CORO2A: variants seen among roughly 807,000 people sequenced by gnomAD.
The protein encoded by CORO2A is coronin-2A.
A neutral mutation model predicts 62.4 loss-of-function variants in CORO2A; 47 were observed. The ratio of observed to expected loss-of-function variants is 0.75; its 90% CI spans 0.60 to 0.96. The LOEUF (loss-of-function observed/expected upper bound fraction) is 0.96. CORO2A is among the 40% of genes least tolerant of loss of function. CORO2A has a pLI of 0.00. For synonymous variants in CORO2A, 273 were observed against 268.9 expected (o/e 1.02, Z -0.15); for missense variants, 610 against 684.1 (o/e 0.89, Z 1.21).
rs60243944 is a variant in CORO2A at position 98,148,751 on chromosome 9, C to CAAACAAAACAAAACAAAACA, written c.201+8689_201+8708dup. On this transcript the variant is annotated intron_variant, in intron 2 of 11. Coordinates refer to ENST00000375077, the MANE Select transcript of CORO2A (RefSeq NM_052820.4). The stretch of plus-strand genomic sequence containing the variant: ...TGGGTGAAAGAGCCAGAGCTTGTCT[C>CAAACAAAACAAAACAAAACA]AAACAAAACAAAACAAAACAAACAA... Among the ~76,000 whole-genome samples the CAAACAAAACAAAACAAAACA allele has an allele frequency of 2.9e-3, 431 of 150,350 alleles. 1 individual carries two copies. The highest frequency in any genetic ancestry group is 7.2e-3 in the African/African-American group (292 of 40,640).
intron 5 of CORO2A, among the ~76,000 whole-genome samples, 168 bp from the exon 6 acceptor site, chr9:98,132,469 T>C (rs577260737): frequency 1.3e-5 from 2 of 152,298 alleles, no homozygotes; most frequent in African/African-American, 4.8e-5. Flanking sequence ...TGGATCCCTC[T>C]CATCCACATG....
chr9:98,132,900 G>A (rs113780358), intron 5 of CORO2A, 138 bp downstream of exon 5: 1 of 951,426 alleles, frequency 1.1e-6, no homozygotes, highest in Non-Finnish European at 1.6e-6. Flanking sequence ...AATCCCGAGA[G>A]GACAGACAGG....
chr9:98,126,304 G>T (rs1827317737), intron 11 of CORO2A, among the ~76,000 whole-genome samples: 1 of 152,034 alleles, frequency 6.6e-6, no homozygotes, highest in Non-Finnish European at 1.5e-5. Context: ...AAAGTGCTGG[G>T]ATTACAAGAG....
chr9:98,151,341 T>C (rs969680228), intron 2 of CORO2A, among the ~76,000 whole-genome samples: 10 of 152,242 alleles, frequency 6.6e-5, no homozygotes, highest in Non-Finnish European at 1.5e-4. Context: ...ATAGTAAATA[T>C]TTCCATCTAT....
rs550013162 is a variant in CORO2A at position 98,188,555 on chromosome 9, A to C, written c.-1+4004T>G. Among the ~76,000 whole-genome samples the C allele has an allele frequency of 5.3e-5, 8 of 152,282 alleles. No homozygotes were observed. The East Asian group carries it at 7.7e-4, about 15-fold the overall frequency. ...CGAGACAAGCGGATCATTTGAGGTCAGGAGTTCGAGTCCAGCCTGGCCAAC... is the reference window on the plus strand; with the variant it reads ...CGAGACAAGCGGATCATTTGAGGTCCGGAGTTCGAGTCCAGCCTGGCCAAC... On this transcript the variant is annotated intron_variant, in intron 1 of 11. Coordinates refer to ENST00000375077, the MANE Select transcript of CORO2A (RefSeq NM_052820.4).
intron 1 of CORO2A, among the ~76,000 whole-genome samples, chr9:98,163,595 G>T (rs1404712249): frequency 6.6e-6 from 1 of 152,214 alleles, no homozygotes; most frequent in Non-Finnish European, 1.5e-5. Flanking sequence ...TGCAAGGGAA[G>T]TGACTAGACT....
chr9:98,181,340 T>G (rs1311205773), intron 1 of CORO2A, among the ~76,000 whole-genome samples: 1 of 148,748 alleles, frequency 6.7e-6, no homozygotes, highest in Non-Finnish European at 1.5e-5. Context: ...CTTGCTTTTT[T>G]TTTTTTTTTT....
chr9:98,171,794 C>T (rs2118911070), intron 1 of CORO2A, among the ~76,000 whole-genome samples: 1 of 151,712 alleles, frequency 6.6e-6, no homozygotes, highest in Non-Finnish European at 1.5e-5. Context: ...AAATGCAGGC[C>T]AGCAATGGGG....
intron 2 of CORO2A, among the ~76,000 whole-genome samples, chr9:98,145,971 A>T (rs1436628928): frequency 6.6e-6 from 1 of 152,112 alleles, no homozygotes; most frequent in Admixed American, 6.5e-5. Flanking sequence ...TTGGCCTCCC[A>T]AAGTGCCAGG....
At chr9:98,131,120 C>T (rs1827401820) in intron 6 of CORO2A, 61 bp from the exon 7 acceptor site, 1 of 1,147,910 alleles carries the variant, frequency 8.7e-7, no homozygotes, top group Non-Finnish European at 1.3e-6. Context: ...CAGTGGTGCT[C>T]CCGGAGATAA....
At chr9:98,128,456 C>A in intron 9 of CORO2A, 151 bp downstream of exon 9, 1 of 764,506 alleles carries the variant, frequency 1.3e-6, no homozygotes, top group Non-Finnish European at 2.2e-6. Context: ...GGACTCCTGA[C>A]GCCCACTGAT....
chr9:98,139,669 A>G (rs982307593), intron 2 of CORO2A, among the ~76,000 whole-genome samples: 21 of 151,936 alleles, frequency 1.4e-4, no homozygotes, highest in Non-Finnish European at 2.8e-4. Flanking sequence ...GGTGTCGCAC[A>G]CCTGTAGTTC....
chr9:98,140,113 G>C (rs148388649), intron 2 of CORO2A, among the ~76,000 whole-genome samples: 21 of 152,122 alleles, frequency 1.4e-4, no homozygotes, highest in Middle Eastern at 3.4e-3. Context: ...CCAGGCCCTC[G>C]ACCTCCCACA....
chr9:98,123,198 A>AACTG lies in CORO2A; in HGVS notation c.*1572_*1575dup, dbSNP rs1827266465. Reference sequence around the variant, plus strand: ...ACAGATTTCTACTCTTTGGGCTGAGAACTGCATCAGACCCAAAAGAGCAAA... The same window carrying AACTG: ...ACAGATTTCTACTCTTTGGGCTGAGAACTGACTGCATCAGACCCAAAAGAGCAAA... On this transcript the variant is annotated 3_prime_UTR_variant, in exon 12 of 12. Coordinates refer to ENST00000375077, the MANE Select transcript of CORO2A (RefSeq NM_052820.4). The AACTG allele has an allele frequency of 6.6e-6, 1 of 152,314 alleles. No homozygotes were observed. Among genetic ancestry groups the AACTG allele is most frequent in the South Asian group, 2.1e-4 (1 of 4,818 alleles). 9.4% of individuals were successfully genotyped at this position (152,314 alleles called of 1,614,324 possible). A position where few individuals can be genotyped will look rare whatever the true frequency, so the allele number is the denominator to read the frequency against.
intron 2 of CORO2A, among the ~76,000 whole-genome samples, chr9:98,150,867 T>C (rs752010476): frequency 6.6e-6 from 1 of 152,172 alleles, no homozygotes; most frequent in Non-Finnish European, 1.5e-5. Flanking sequence ...TGTCCCTCCC[T>C]AGCTCGAAAC....
chr9:98,128,026 C>T lies in CORO2A; in HGVS notation c.1171+144G>A, dbSNP rs1827351205. The T allele has an allele frequency of 1.2e-5, 8 of 645,064 alleles. No individual in the cohort carries two copies. In the East Asian group the frequency reaches 2.1e-4, roughly 17 times the overall value. The allele number at this position is 645,064 out of a possible 1,614,324, so 40.0% of individuals were successfully genotyped here. A position where few individuals can be genotyped will look rare whatever the true frequency, so the allele number is the denominator to read the frequency against. The stretch of plus-strand genomic sequence containing the variant: ...TGGACCTGTATGTGACCATGCTACC[C>T]ACTGGGGACTGAAGGTCAAGGGCAT... On this transcript the variant is annotated intron_variant, in intron 10 of 11. Transcript: ENST00000375077.
chr9:98,154,130 AT>A (rs1406122364), intron 2 of CORO2A, among the ~76,000 whole-genome samples: 5 of 150,836 alleles, frequency 3.3e-5, no homozygotes, highest in Admixed American at 6.6e-5. Context: ...ATTGATCAAT[AT>A]TTTTTTCTTT....
intron 1 of CORO2A, among the ~76,000 whole-genome samples, chr9:98,188,506 T>G (rs1197566514): frequency 2.0e-5 from 3 of 152,186 alleles, no homozygotes; most frequent in African/African-American, 7.2e-5. Flanking sequence ...GGCTCACATC[T>G]GTAATCCCAG....
intron 2 of CORO2A, among the ~76,000 whole-genome samples, chr9:98,138,962 G>A (rs773418672): frequency 4.6e-5 from 7 of 150,556 alleles, no homozygotes; most frequent in Non-Finnish European, 1.0e-4. Flanking sequence ...CAGTAGAATC[G>A]CTTGAACCCA....
Sources: allele counts gnomAD v4.1 joint callset (sites outside exome capture counted in the v4.1 genomes callset), GRCh38; gene constraint gnomAD v4.1.1; transcripts MANE v1.5; gene names NCBI Gene and HGNC (gene_info 2026-07-23, HGNC 2026-07-21).